KIF13B: variants seen among roughly 807,000 people sequenced by gnomAD.
The protein encoded by KIF13B is kinesin-like protein KIF13B.
KIF13B carries 127 observed loss-of-function variants against 222.0 expected under a neutral mutation model. That is an observed-to-expected ratio of 0.57 (90% CI 0.50 to 0.66). KIF13B has a LOEUF of 0.66. KIF13B is among the 30% of genes least tolerant of loss of function. The pLI, the probability that KIF13B is intolerant of heterozygous loss-of-function variation, is 0.00. For missense variants in KIF13B, 2,173 were observed against 2,379.0 expected (o/e 0.91, Z 1.80); for synonymous variants, 976 against 919.0 (o/e 1.06, Z -1.12).
rs111646649 is a variant in KIF13B at position 29,072,607 on chromosome 8, G to C, written c.4522-291C>G. Among the ~76,000 whole-genome samples the C allele has an allele frequency of 1.4e-3, 219 of 152,326 alleles. 1 individual carries two copies. The highest frequency in any genetic ancestry group is 4.7e-3 in the African/African-American group (196 of 41,576). ...CTGCCACTTAGGGCTGCATGGCCCT[G>C]GCTTCCAAAGTGATAAAGGTTGAGG... On this transcript the variant is annotated intron_variant, in intron 38 of 39. Transcript: ENST00000524189.
chr8:29,163,369 C>T (rs1006936525), intron 12 of KIF13B, among the ~76,000 whole-genome samples: 1 of 152,136 alleles, frequency 6.6e-6, no homozygotes, highest in African/African-American at 2.4e-5. Flanking sequence ...GGCTTGCACC[C>T]CACAGGAAGA....
intron 1 of KIF13B, among the ~76,000 whole-genome samples, chr8:29,262,383 C>G (rs924646722): frequency 1.3e-5 from 2 of 152,348 alleles, no homozygotes; most frequent in Non-Finnish European, 2.9e-5. Context: ...CCAAAAACAA[C>G]GAAAAGGGCA....
At chr8:29,091,266 A>G (rs532658326) in intron 37 of KIF13B, among the ~76,000 whole-genome samples, 1 of 152,338 alleles carries the variant, frequency 6.6e-6, no homozygotes, top group African/African-American at 2.4e-5. Flanking sequence ...CTCGTTGCCA[A>G]AACAGTAAGA....
At chr8:29,237,361 A>G (rs573146708) in intron 2 of KIF13B, among the ~76,000 whole-genome samples, 12 of 152,318 alleles carry the variant, frequency 7.9e-5, no homozygotes, top group Middle Eastern at 6.8e-3. Flanking sequence ...AATATATTAT[A>G]TGCAATCTGA....
At chr8:29,206,328 T>A (rs1372656840) in intron 2 of KIF13B, among the ~76,000 whole-genome samples, 1 of 152,218 alleles carries the variant, frequency 6.6e-6, no homozygotes, top group African/African-American at 2.4e-5. Flanking sequence ...TGACGCATGC[T>A]TGATAAATGT....
At chr8:29,129,299 G>A (rs1354704017) in intron 24 of KIF13B, among the ~76,000 whole-genome samples, 1 of 152,106 alleles carries the variant, frequency 6.6e-6, no homozygotes, top group African/African-American at 2.4e-5. Flanking sequence ...CTAAGACTTC[G>A]AAGAAGATAC....
intron 35 of KIF13B, among the ~76,000 whole-genome samples, chr8:29,102,115 T>C (rs1220561870): frequency 6.8e-6 from 1 of 148,018 alleles, no homozygotes; most frequent in African/African-American, 2.5e-5. Context: ...AAAAGAAAAA[T>C]GAAGCAACCC....
chr8:29,104,156 G>C (rs957100127), intron 35 of KIF13B, among the ~76,000 whole-genome samples: 2 of 151,808 alleles, frequency 1.3e-5, no homozygotes, highest in African/African-American at 4.8e-5. Flanking sequence ...CTGCCTCGGC[G>C]CTCCCCAGCC....
rs867777942 is a variant in KIF13B, at chr8:29,220,751, A to G, written c.150-24552T>C. On this transcript the variant is annotated intron_variant, in intron 2 of 39. Transcript: ENST00000524189. ...GTAAAAGAGCGCAGGAAGGAGAAAC[A>G]CGGGGTCTCATAATGTTGGTAAGAA... is the stretch of plus-strand genomic sequence containing the variant. 2.6e-5 allele frequency among the ~76,000 whole-genome samples: 4 copies of G among 152,154 alleles called. 1 individual carries two copies.
At chr8:29,215,724 G>C (rs938184235) in intron 2 of KIF13B, among the ~76,000 whole-genome samples, 2 of 152,174 alleles carry the variant, frequency 1.3e-5, no homozygotes, top group African/African-American at 4.8e-5. Context: ...TATGGTATTT[G>C]TCAACTAAGC....
rs36068949 is a variant in KIF13B at position 29,116,847 on chromosome 8, T to C, written c.3821A>G (p.Asn1274Ser). 2.2e-3 allele frequency: 2,785 copies of C among 1,294,602 alleles called. 17 individuals carry two copies. The African/African-American group carries it at 0.028, about 13-fold the overall frequency. 80.2% of individuals were successfully genotyped at this position (1,294,602 alleles called of 1,614,324 possible). ...QLVLRKRICV[N>S]VHGRQGFAQS... ...AAGACTAACCTGGCGGCCGTGAACATTGACACAGATTCTCTTGCGTAACAC... is the reference window on the plus strand; with the variant it reads ...AAGACTAACCTGGCGGCCGTGAACACTGACACAGATTCTCTTGCGTAACAC... Residue 1274 changes from asparagine (N) to serine (S), a missense_variant, in exon 31 of 40, where the codon AAT becomes AGT. This residue lies in a region of KIF13B where 1,480 missense variants were observed against 1,722.8 expected (regional missense o/e 0.86). Transcript: ENST00000524189.
At position 29,113,476 on chromosome 8, in the gene KIF13B, G is replaced by C. The variant is rs780894636; in HGVS notation, c.3917C>G (p.Ser1306Cys). 1 of 1,572,894 alleles carries C rather than the reference G, an allele frequency of 6.4e-7. No homozygotes were observed. Among genetic ancestry groups the C allele is most frequent in the Non-Finnish European group, 8.7e-7 (1 of 1,153,238 alleles). The part of the protein sequence containing the change: ...PGCGVTFEIV[S>C]NIPEDAQGVE... ...TATATCCTTCACCTCTGGAATATTG[G>C]AGACAATTTCAAAAGTCACTCCACA... The change falls in exon 32 of 40, where the codon TCC becomes TGC. Residue 1306 changes from serine to cysteine, a missense_variant. Physicochemically the swap from Ser to Cys is moderately radical, Grantham distance 112. Coordinates refer to ENST00000524189, the MANE Select transcript of KIF13B (RefSeq NM_015254.4).
chr8:29,167,340 G>A, intron 11 of KIF13B, 33 bp downstream of exon 11: 1 of 1,536,956 alleles, frequency 6.5e-7, no homozygotes, highest in Non-Finnish European at 9.0e-7. Flanking sequence ...CCTCTTCCTG[G>A]ACTCACAGGG....
chr8:29,146,125 G>A (rs1179735060), intron 18 of KIF13B: 4 of 589,134 alleles, frequency 6.8e-6, no homozygotes, highest in Non-Finnish European at 1.2e-5. Context: ...CAGATTTGAA[G>A]GAAGAAAGTT....
intron 21 of KIF13B, among the ~76,000 whole-genome samples, chr8:29,137,001 C>T (rs1006988258): frequency 6.6e-6 from 1 of 151,764 alleles, no homozygotes; most frequent in Non-Finnish European, 1.5e-5. Context: ...GGGGTTTCAC[C>T]ATGTTAGCCA....
At chr8:29,123,020 C>T (rs748162209) in intron 28 of KIF13B, among the ~76,000 whole-genome samples, 47 of 152,268 alleles carry the variant, frequency 3.1e-4, no homozygotes, top group Non-Finnish European at 5.7e-4. Flanking sequence ...AAACCAAAAT[C>T]GCGTGGAGAT....
intron 21 of KIF13B, among the ~76,000 whole-genome samples, chr8:29,137,589 T>C (rs1810623485): frequency 1.3e-5 from 2 of 152,266 alleles, no homozygotes; most frequent in African/African-American, 4.8e-5. Flanking sequence ...TCACCACGCA[T>C]GACATCTTAA....
At chr8:29,112,473 T>C (rs757105119) in intron 32 of KIF13B, among the ~76,000 whole-genome samples, 120 of 149,520 alleles carry the variant, frequency 8.0e-4, no homozygotes, top group Non-Finnish European at 1.3e-3. Context: ...TATTAAAATA[T>C]ACACTGTTCA....
intron 2 of KIF13B, among the ~76,000 whole-genome samples, chr8:29,229,954 A>C (rs1028849910): frequency 6.6e-6 from 1 of 152,260 alleles, no homozygotes; most frequent in Non-Finnish European, 1.5e-5. Flanking sequence ...TGAAAAGAAT[A>C]TTACTTAAAA....
Sources: gnomAD v4.1 joint callset for allele counts (sites outside exome capture counted in the v4.1 genomes callset) on GRCh38, gnomAD v4.1.1 for gene constraint, gnomAD v4.1.1 regional missense constraint, MANE v1.5 for transcripts, NCBI Gene and HGNC (gene_info 2026-07-23, HGNC 2026-07-21) for gene names.